POLK: variants seen among roughly 807,000 people sequenced by gnomAD.
The protein encoded by POLK is polymerase (DNA directed) kappa.
Under a neutral mutation model 94.0 loss-of-function variants are expected in POLK, and 76 were observed. That is an observed-to-expected ratio of 0.81 (90% confidence interval 0.67 to 0.98). POLK has a LOEUF of 0.98. Among genes scored for constraint, POLK ranks in the 50% least tolerant of loss-of-function variants. POLK has a pLI of 0.00. For synonymous variants in POLK, 349 were observed against 325.4 expected (o/e 1.07, Z -0.78); for missense variants, 954 against 1,010.1 (o/e 0.94, Z 0.75).
At chr5:75,560,737 C>T (rs1418937472) in intron 3 of POLK, among the ~76,000 whole-genome samples, 1 of 152,098 alleles carries the variant, frequency 6.6e-6, no homozygotes, top group Non-Finnish European at 1.5e-5. Context: ...TCTCATTGTT[C>T]AACTCCCATT....
intron 6 of POLK, among the ~76,000 whole-genome samples, chr5:75,579,285 T>C (rs1025166450): frequency 2.0e-5 from 3 of 152,216 alleles, no homozygotes; most frequent in Non-Finnish European, 2.9e-5. Context: ...TAGCTTTCTT[T>C]ACCGTGACTT....
chr5:75,590,549 A>G lies in POLK; in HGVS notation c.1356+109A>G, dbSNP rs1227288295. ...ATTTCTTAAAGATGAATACAAATTA[A>G]TAAACGTCAGAATAGTGTATTCCTA... On this transcript the variant is annotated intron_variant, in intron 11 of 14. Coordinates refer to ENST00000241436, the Ensembl canonical transcript of POLK. 1.3e-5 allele frequency: 9 copies of G among 697,808 alleles called. No homozygotes were observed. In the Admixed American group the frequency reaches 1.6e-4, roughly 12 times the overall value. The allele number at this position is 697,808 out of a possible 1,614,324, so 43.2% of individuals were successfully genotyped here. A position where few individuals can be genotyped will look rare whatever the true frequency, so the allele number is the denominator to read the frequency against.
At chr5:75,582,188 A>G in intron 7 of POLK, 1 of 936,468 alleles carries the variant, frequency 1.1e-6, no homozygotes, top group South Asian at 4.9e-5. Flanking sequence ...AAAAGGAAAA[A>G]CAAATTTACA....
intron 1 of POLK, among the ~76,000 whole-genome samples, chr5:75,521,642 T>C (rs1768591867): frequency 6.6e-6 from 1 of 152,242 alleles, no homozygotes; most frequent in African/African-American, 2.4e-5. Flanking sequence ...TGCTGTTGTT[T>C]CTTTTGGATG....
chr5:75,584,852 T>C, exon 9 of POLK: 4 of 1,605,094 alleles, frequency 2.5e-6, no homozygotes, highest in Non-Finnish European at 3.4e-6. Flanking sequence ...CATTGCTTTC[T>C]CTCCTTTTCT....
intron 3 of POLK, among the ~76,000 whole-genome samples, chr5:75,556,333 G>A (rs1400137196): frequency 6.6e-6 from 1 of 152,166 alleles, no homozygotes; most frequent in East Asian, 1.9e-4. Context: ...TGTCTGTTAA[G>A]GTCCTTGACC....
intron 1 of POLK, among the ~76,000 whole-genome samples, chr5:75,525,331 A>C (rs1768784076): frequency 6.6e-6 from 1 of 152,224 alleles, no homozygotes; most frequent in East Asian, 1.9e-4. Context: ...AATATAAAAA[A>C]TCAAATGGAA....
At chr5:75,511,043 C>A (rs1767951361), upstream of POLK, 1 of 1,456,002 alleles carries the variant, frequency 6.9e-7, no homozygotes, top group Non-Finnish European at 9.0e-7. Context: ...CCCCACCCCA[C>A]CGCCTCAGCG....
In POLK at chr5:75,573,905, C is replaced by G. The variant is rs368250425; in HGVS notation, c.540+36C>G. On this transcript the variant is annotated intron_variant, in intron 5 of 14. Coordinates refer to ENST00000241436, the Ensembl canonical transcript of POLK. The stretch of plus-strand genomic sequence containing the variant: ...GTCTCACCCCTACTTTAGGCTTTCA[C>G]TGAGTTCCTGTCACCTACAGAATCT... The G allele has an allele frequency of 1.2e-5, 20 of 1,605,336 alleles. 1 individual carries two copies. Among genetic ancestry groups the G allele is most frequent in the Middle Eastern group, 1.7e-4 (1 of 6,036 alleles).
intron 1 of POLK, among the ~76,000 whole-genome samples, chr5:75,530,864 G>A (rs1449210623): frequency 2.1e-5 from 3 of 145,464 alleles, no homozygotes; most frequent in Admixed American, 7.0e-5. Context: ...CTGGAGTGCC[G>A]TGGCGCGATG....
At chr5:75,605,560 C>T (rs369613759), downstream of POLK, among the ~76,000 whole-genome samples, 41 of 152,302 alleles carry the variant, frequency 2.7e-4, 1 homozygote, top group South Asian at 8.5e-3. Context: ...TGAGATACGC[C>T]ATGGTTTTTT....
At chr5:75,551,317 C>G (rs935357942) in intron 2 of POLK, among the ~76,000 whole-genome samples, 1 of 151,122 alleles carries the variant, frequency 6.6e-6, no homozygotes, top group African/African-American at 2.4e-5. Flanking sequence ...TGGCTCACAC[C>G]TGTGATCCTA....
At chr5:75,586,986 C>T in intron 9 of POLK, 40 bp from the exon 10 acceptor site, 7 of 1,460,794 alleles carry the variant, frequency 4.8e-6, no homozygotes, top group Non-Finnish European at 6.6e-6. Flanking sequence ...AAAAAAAACT[C>T]AGTCTTTGAA....
chr5:75,554,700 G>A (rs889901708), intron 3 of POLK, among the ~76,000 whole-genome samples: 1 of 151,998 alleles, frequency 6.6e-6, no homozygotes, highest in African/African-American at 2.4e-5. Flanking sequence ...TTGTTCCCTT[G>A]TATGTGTCCA....
At chr5:75,576,720 T>C in intron 5 of POLK, 60 bp from the exon 6 acceptor site, 1 of 823,354 alleles carries the variant, frequency 1.2e-6, no homozygotes, top group South Asian at 2.7e-5. Flanking sequence ...ATCAGCTACA[T>C]ATGACAGAAG....
chr5:75,519,392 A>G (rs952779270), intron 1 of POLK, among the ~76,000 whole-genome samples: 1 of 152,150 alleles, frequency 6.6e-6, no homozygotes, highest in East Asian at 1.9e-4. Flanking sequence ...TATAATGTCA[A>G]TTAGGCCTAT....
At chr5:75,514,487 G>T (rs774846896) in intron 1 of POLK, among the ~76,000 whole-genome samples, 6 of 152,110 alleles carry the variant, frequency 3.9e-5, no homozygotes, top group Non-Finnish European at 7.4e-5. Context: ...ATTTGCCAAA[G>T]GCCTACAAAA....
At chr5:75,538,947 T>A (rs1317304504) in intron 1 of POLK, among the ~76,000 whole-genome samples, 1 of 152,100 alleles carries the variant, frequency 6.6e-6, no homozygotes, top group Non-Finnish European at 1.5e-5. Context: ...ATTTTTTGTA[T>A]TTTTAGTAGA....
At chr5:75,607,190 G>C in the POLK span, among the ~76,000 whole-genome samples, 1 of 152,130 alleles carries the variant, frequency 6.6e-6, no homozygotes, top group African/African-American at 2.4e-5. Flanking sequence ...GTACTGGCCG[G>C]GTGCGGTGTC....
Sources: allele counts gnomAD v4.1 joint callset (sites outside exome capture counted in the v4.1 genomes callset), GRCh38; gene constraint gnomAD v4.1.1; transcripts MANE v1.5; gene names NCBI Gene and HGNC (gene_info 2026-07-23, HGNC 2026-07-21).